The following HNF4G variants were observed in gnomAD, a reference collection of about 807,000 sequenced individuals.
HNF4G encodes hepatocyte nuclear factor 4-gamma.
In HNF4G, 21 loss-of-function variants were observed where a neutral mutation model predicts 50.9. The observed-to-expected ratio is 0.41, with a 90% CI of 0.29 to 0.59. The LOEUF is 0.59. HNF4G is among the 20% of genes least tolerant of loss of function. HNF4G has a pLI of 0.26. For missense variants in HNF4G, 527 were observed against 559.4 expected (o/e 0.94, Z 0.58); for synonymous variants, 198 against 185.6 (o/e 1.07, Z -0.54).
intron 9 of HNF4G, among the ~76,000 whole-genome samples, chr8:75,562,731 TC>T (rs1807349694): frequency 6.6e-6 from 1 of 152,196 alleles, no homozygotes. Context: ...TTATTCTTGT[TC>T]TTTCCACATA....
chr8:75,461,935 T>TA (rs1186133693), intron 1 of HNF4G, among the ~76,000 whole-genome samples: 2 of 145,532 alleles, frequency 1.4e-5, no homozygotes, highest in Non-Finnish European at 3.0e-5. Flanking sequence ...TATATTTTTT[T>TA]AGATGGAGTT....
intron 1 of HNF4G, among the ~76,000 whole-genome samples, chr8:75,483,075 G>GT (rs917741488): frequency 6.6e-6 from 1 of 152,020 alleles, no homozygotes; most frequent in African/African-American, 2.4e-5. Context: ...ACATGCGCAG[G>GT]TATCATAAAA....
chr8:75,493,380 T>G (rs1812680595), intron 2 of HNF4G, among the ~76,000 whole-genome samples: 1 of 152,152 alleles, frequency 6.6e-6, no homozygotes, highest in Non-Finnish European at 1.5e-5. Context: ...TCTCACAGAA[T>G]GAATCATTGA....
chr8:75,516,462 C>T (rs1220887844), intron 2 of HNF4G, among the ~76,000 whole-genome samples: 1 of 151,742 alleles, frequency 6.6e-6, no homozygotes, highest in East Asian at 1.9e-4. Context: ...TTATATTTTT[C>T]AATGTTTATT....
chr8:75,471,047 G>A (rs1812101415), intron 1 of HNF4G, among the ~76,000 whole-genome samples: 1 of 152,088 alleles, frequency 6.6e-6, no homozygotes, highest in Non-Finnish European at 1.5e-5. Flanking sequence ...TTGTTTGGAT[G>A]ATCTTCCTGA....
chr8:75,477,693 C>A (rs746754574), intron 1 of HNF4G, among the ~76,000 whole-genome samples: 1 of 151,946 alleles, frequency 6.6e-6, no homozygotes, highest in African/African-American at 2.4e-5. Context: ...CTCTGCCGGG[C>A]GTGGTGGCTC....
intron 1 of HNF4G, among the ~76,000 whole-genome samples, chr8:75,423,107 C>T (rs561847614): frequency 6.6e-6 from 1 of 152,216 alleles, no homozygotes; most frequent in South Asian, 2.1e-4. Context: ...CCTTGACCTC[C>T]TATTCCATAA....
At chr8:75,535,871 T>C (rs1327423433), upstream of HNF4G, among the ~76,000 whole-genome samples, 2 of 151,984 alleles carry the variant, frequency 1.3e-5, no homozygotes, top group Non-Finnish European at 2.9e-5. Context: ...TCTGCTATTA[T>C]CTTGAAGAAT....
At chr8:75,526,326 C>A (rs1173166060) in intron 2 of HNF4G, among the ~76,000 whole-genome samples, 2 of 151,954 alleles carry the variant, frequency 1.3e-5, no homozygotes, top group South Asian at 4.1e-4. Flanking sequence ...AGCCACTGCA[C>A]CTGGCCTCAA....
intron 1 of HNF4G, among the ~76,000 whole-genome samples, chr8:75,434,973 C>T (rs1371860620): frequency 1.3e-5 from 2 of 152,140 alleles, no homozygotes; most frequent in Non-Finnish European, 2.9e-5. Flanking sequence ...TTCACAGGTG[C>T]ATCTATCTAA....
chr8:75,459,322 G>A (rs1811792402), intron 1 of HNF4G, among the ~76,000 whole-genome samples: 1 of 152,140 alleles, frequency 6.6e-6, no homozygotes, highest in Non-Finnish European at 1.5e-5. Flanking sequence ...GAAAATCACT[G>A]TGGCCTATCA....
intron 1 of HNF4G, among the ~76,000 whole-genome samples, chr8:75,416,986 G>A (rs1370894712): frequency 6.6e-6 from 1 of 152,166 alleles, no homozygotes; most frequent in Non-Finnish European, 1.5e-5. Flanking sequence ...CTGGCAAAAG[G>A]TGGATGTACT....
At chr8:75,532,292 C>A in intron 2 of HNF4G, among the ~76,000 whole-genome samples, 1 of 151,742 alleles carries the variant, frequency 6.6e-6, no homozygotes, top group African/African-American at 2.4e-5. Flanking sequence ...ATATCATTTT[C>A]GAAGATTTAT....
In HNF4G at chr8:75,533,164, G is replaced by A. The variant is rs569683157; in HGVS notation, c.-23-10647G>A. 1.1e-4 allele frequency among the ~76,000 whole-genome samples: 17 copies of A among 151,930 alleles called. No individual in the cohort carries two copies. In the South Asian group the frequency reaches 2.9e-3, roughly 26 times the overall value. On this transcript the variant is annotated intron_variant, in intron 2 of 10. Coordinates refer to the HNF4G transcript ENST00000354370. ...CATATGTATTTTATTCACACTTTCA[G>A]TAAGTATTTGTGGAGCATTTCCTGG...
At chr8:75,423,335 C>CT (rs34511777) in intron 1 of HNF4G, among the ~76,000 whole-genome samples, 45,761 of 94,740 alleles carry the variant, frequency 0.48, 12,249 homozygotes, top group East Asian at 0.69. Context: ...TTTTCTTTAT[C>CT]TTTTTTTTTT....
chr8:75,566,128 C>T lies in HNF4G; in HGVS notation c.*2032C>T, dbSNP rs1257704791. On this transcript the variant is annotated 3_prime_UTR_variant, in exon 10 of 10. Coordinates refer to ENST00000396423, the MANE Select transcript of HNF4G (RefSeq NM_004133.5). Reference sequence around the variant, plus strand: ...TTATAAACAACAGAAATTTATTTCTCGCTGTTCTCAATGGTGGGAAGTCCA... The same window carrying T: ...TTATAAACAACAGAAATTTATTTCTTGCTGTTCTCAATGGTGGGAAGTCCA... The T allele has an allele frequency of 3.3e-5, 5 of 152,030 alleles. No homozygotes were observed. The highest frequency in any genetic ancestry group is 9.7e-5 in the African/African-American group (4 of 41,374). 9.4% of individuals were successfully genotyped at this position (152,030 alleles called of 1,614,324 possible).
At chr8:75,436,000 T>C (rs1236578714) in intron 1 of HNF4G, among the ~76,000 whole-genome samples, 1 of 152,222 alleles carries the variant, frequency 6.6e-6, no homozygotes, top group Non-Finnish European at 1.5e-5. Flanking sequence ...ATGGCATTCA[T>C]GTGCATTTGT....
chr8:75,532,890 A>G (rs1247064669), intron 2 of HNF4G, among the ~76,000 whole-genome samples: 2 of 152,074 alleles, frequency 1.3e-5, no homozygotes, highest in East Asian at 1.9e-4. Context: ...TCTATTTCTC[A>G]GTCCAGCTTC....
intron 1 of HNF4G, among the ~76,000 whole-genome samples, chr8:75,422,032 A>G (rs1425713495): frequency 6.6e-6 from 1 of 152,204 alleles, no homozygotes; most frequent in Admixed American, 6.5e-5. Context: ...AAACAGTAGC[A>G]AAAGAACTTT....
Sources: allele counts gnomAD v4.1 joint callset (sites outside exome capture counted in the v4.1 genomes callset), GRCh38; gene constraint gnomAD v4.1.1; transcripts MANE v1.5; gene names NCBI Gene and HGNC (gene_info 2026-07-23, HGNC 2026-07-21).